The following BLTP1 variants were observed in gnomAD, a reference collection of about 807,000 sequenced individuals.
BLTP1 encodes bridge-like lipid transfer protein family member 1.
At chr4:122,313,165 G>C in the BLTP1 span, among the ~76,000 whole-genome samples, 4 of 152,096 alleles carry the variant, frequency 2.6e-5, no homozygotes, top group African/African-American at 7.2e-5. Flanking sequence ...CATGTCAAAA[G>C]AGAAGGTAAG....
the BLTP1 span, among the ~76,000 whole-genome samples, chr4:122,245,592 C>G: frequency 6.6e-6 from 1 of 152,108 alleles, no homozygotes; most frequent in Admixed American, 6.6e-5. Flanking sequence ...ATTCTACTTA[C>G]ATTGTGGTTC....
chr4:122,249,376 C>T, the BLTP1 span: 2 of 1,490,950 alleles, frequency 1.3e-6, no homozygotes, highest in Non-Finnish European at 1.8e-6. Flanking sequence ...TGACAGAGCA[C>T]TAAGATATCT....
At chr4:122,226,652 A>G in the BLTP1 span, 5 of 1,604,806 alleles carry the variant, frequency 3.1e-6, no homozygotes, top group Admixed American at 3.5e-5. Flanking sequence ...TTTGAACTCT[A>G]AACCCTTGTT....
At chr4:122,337,048 T>C in the BLTP1 span, 1 of 1,544,636 alleles carries the variant, frequency 6.5e-7, no homozygotes, top group Non-Finnish European at 8.8e-7. Context: ...TTTCTTTTTG[T>C]TTTAAAGAGA....
chr4:122,212,695 T>C, the BLTP1 span, among the ~76,000 whole-genome samples: 3 of 152,120 alleles, frequency 2.0e-5, no homozygotes, highest in Non-Finnish European at 2.9e-5. Flanking sequence ...GAAATAAATA[T>C]ATGCTTTCAT....
chr4:122,220,559 A>G, the BLTP1 span: 1 of 1,081,250 alleles, frequency 9.2e-7, no homozygotes, highest in African/African-American at 1.7e-5. Context: ...CTGTGCATGG[A>G]CTTTGTAGCT....
the BLTP1 span, among the ~76,000 whole-genome samples, chr4:122,184,297 T>C: frequency 1.7e-4 from 26 of 152,198 alleles, no homozygotes; most frequent in Non-Finnish European, 3.7e-4. Flanking sequence ...TTCACTTAAA[T>C]GCCACCTAAA....
chr4:122,298,823 T>A, the BLTP1 span: 1 of 975,304 alleles, frequency 1.0e-6, no homozygotes, highest in Non-Finnish European at 1.2e-6. Context: ...AGAGGGACAG[T>A]TTGATGAAAG....
At chr4:122,354,798 C>G in the BLTP1 span, among the ~76,000 whole-genome samples, 1 of 151,758 alleles carries the variant, frequency 6.6e-6, no homozygotes, top group East Asian at 1.9e-4. Flanking sequence ...TCCTGAGTAG[C>G]TGGGATTACA....
the BLTP1 span, among the ~76,000 whole-genome samples, chr4:122,359,089 CAA>C: frequency 6.9e-6 from 1 of 144,692 alleles, no homozygotes; most frequent in Non-Finnish European, 1.5e-5. Context: ...AAAAAAAAAA[CAA>C]AAAAGGGAGC....
the BLTP1 span, chr4:122,250,343 C>CT: frequency 5.6e-5 from 88 of 1,571,436 alleles, no homozygotes; most frequent in East Asian, 6.7e-5. Context: ...ATAATAAATG[C>CT]TTTTTTTTAT....
the BLTP1 span, among the ~76,000 whole-genome samples, chr4:122,320,782 CACT>C: frequency 1.2e-4 from 18 of 152,002 alleles, no homozygotes. Context: ...CATTTTACAC[CACT>C]GACATTTAAA....
chr4:122,203,801 C>CG, the BLTP1 span: 703 of 522,156 alleles, frequency 1.3e-3, 2 homozygotes, highest in African/African-American at 0.013. Context: ...AAAACTAACA[C>CG]GATTTATTAG....
At chr4:122,310,290 G>C in the BLTP1 span, among the ~76,000 whole-genome samples, 2 of 151,858 alleles carry the variant, frequency 1.3e-5, no homozygotes, top group Non-Finnish European at 2.9e-5. Flanking sequence ...AAAAAGTCTT[G>C]GTTTTAATGT....
chr4:122,268,221 G>C, the BLTP1 span, among the ~76,000 whole-genome samples: 1 of 151,966 alleles, frequency 6.6e-6, no homozygotes, highest in African/African-American at 2.4e-5. Flanking sequence ...TAGTACATTG[G>C]AATTTAAAAT....
the BLTP1 span, chr4:122,226,629 T>C: frequency 6.3e-7 from 1 of 1,579,832 alleles, no homozygotes; most frequent in African/African-American, 1.4e-5. Context: ...TACGTTAACA[T>C]TCTTCAGAAG....
At chr4:122,172,012 T>C in the BLTP1 span, 13 of 809,830 alleles carry the variant, frequency 1.6e-5, no homozygotes, top group Non-Finnish European at 1.9e-5. Context: ...TAAAAATTTA[T>C]ACAAAATGAC....
the BLTP1 span, chr4:122,237,605 A>G: frequency 5.8e-6 from 4 of 693,156 alleles, no homozygotes; most frequent in Non-Finnish European, 7.1e-6. Context: ...CCAATAAAAG[A>G]TTTAAAAAGA....
chr4:122,170,720 T>C, the BLTP1 span: 1 of 1,597,794 alleles, frequency 6.3e-7, no homozygotes, highest in Non-Finnish European at 8.5e-7. Context: ...AGAACACAAT[T>C]CCAATGTTGT....
Sources: allele counts gnomAD v4.1 joint callset (sites outside exome capture counted in the v4.1 genomes callset), GRCh38; gene constraint gnomAD v4.1.1; transcripts MANE v1.5; gene names NCBI Gene and HGNC (gene_info 2026-07-23, HGNC 2026-07-21).